Variants in TRPC4 observed in about 807,000 individuals in gnomAD.
TRPC4 encodes the protein transient receptor potential cation channel subfamily C member 4, also known as short transient receptor potential channel 4.
Under a neutral mutation model 99.4 loss-of-function variants are expected in TRPC4, and 49 were observed. The ratio of observed to expected loss-of-function variants is 0.49; its 90% CI spans 0.39 to 0.63. The LOEUF (loss-of-function observed/expected upper bound fraction) is 0.63. Ranked by LOEUF, TRPC4 falls within the 20% of genes least tolerant of loss-of-function variation. The pLI is 0.00. For synonymous variants in TRPC4, 454 were observed against 425.9 expected (o/e 1.07, Z -0.81); for missense variants, 898 against 1,152.9 (o/e 0.78, Z 3.20).
intron 1 of TRPC4, among the ~76,000 whole-genome samples, chr13:37,793,425 ATCCCT>A (rs1957170854): frequency 7.2e-6 from 1 of 139,446 alleles, no homozygotes; most frequent in African/African-American, 2.6e-5. Flanking sequence ...TCCTAATGCT[ATCCCT>A]CCCCCCTCCC....
intron 8 of TRPC4, among the ~76,000 whole-genome samples, chr13:37,639,747 A>ATATATATATG (rs1205328692): frequency 6.7e-6 from 1 of 149,264 alleles, no homozygotes; most frequent in African/African-American, 2.4e-5. Flanking sequence ...CTCCAATCAT[A>ATATATATATG]TATATATATA....
rs961940173 is a variant in TRPC4, at chr13:37,746,255, T to C, written c.579A>G (p.Ser193=). Residue 193 remains serine (S), a synonymous_variant, in exon 3 of 11, where the codon TCA becomes TCG. Transcript: ENST00000379705. The part of the protein sequence containing the change: ...SSSDVDSLRH[S]RSRLNIYKAL... ...CCTTGTAGATGTTGAGTCTGGAGCG[T>C]GAGTGACGGAGGCTGTCCACATCTG... 25 of 1,613,842 alleles carry C rather than the reference T, an allele frequency of 1.5e-5. No homozygotes were observed. The highest frequency in any genetic ancestry group is 1.9e-5 in the Non-Finnish European group (22 of 1,179,880).
At chr13:37,787,394 C>T (rs1345575100) in intron 1 of TRPC4, among the ~76,000 whole-genome samples, 3 of 152,016 alleles carry the variant, frequency 2.0e-5, no homozygotes, top group Non-Finnish European at 4.4e-5. Context: ...CATTCACACG[C>T]AATCCGATTA....
At chr13:37,749,183 T>C (rs1413967713) in intron 2 of TRPC4, among the ~76,000 whole-genome samples, 1 of 152,108 alleles carries the variant, frequency 6.6e-6, no homozygotes, top group Non-Finnish European at 1.5e-5. Flanking sequence ...CTGCCACGAT[T>C]ATAAGTTTCT....
At chr13:37,755,276 A>AG (rs1956067788) in intron 2 of TRPC4, among the ~76,000 whole-genome samples, 1 of 151,610 alleles carries the variant, frequency 6.6e-6, no homozygotes, top group East Asian at 1.9e-4. Context: ...TAAAAAAAAA[A>AG]AAAGAAGAAA....
chr13:37,681,247 C>T (rs1953225753), intron 4 of TRPC4, among the ~76,000 whole-genome samples: 1 of 152,140 alleles, frequency 6.6e-6, no homozygotes, highest in African/African-American at 2.4e-5. Context: ...ATTACAATTC[C>T]TCTGGAGATC....
chr13:37,815,147 C>T (rs1957813656), intron 1 of TRPC4, among the ~76,000 whole-genome samples: 1 of 151,576 alleles, frequency 6.6e-6, no homozygotes, highest in Non-Finnish European at 1.5e-5. Flanking sequence ...AAGTTGGACC[C>T]AAACTTCATA....
intron 1 of TRPC4, among the ~76,000 whole-genome samples, chr13:37,864,681 C>A (rs1471368772): frequency 2.6e-5 from 4 of 151,586 alleles, no homozygotes; most frequent in Non-Finnish European, 5.9e-5. Flanking sequence ...GGAGACAGAT[C>A]TTTGCCAGCC....
intron 2 of TRPC4, among the ~76,000 whole-genome samples, chr13:37,771,228 G>A (rs1566158764): frequency 1.3e-5 from 2 of 151,600 alleles, no homozygotes; most frequent in South Asian, 4.1e-4. Flanking sequence ...GATCACAGTA[G>A]GCAACCAAGG....
intron 3 of TRPC4, among the ~76,000 whole-genome samples, chr13:37,727,221 C>T (rs1955094282): frequency 6.6e-6 from 1 of 151,970 alleles, no homozygotes; most frequent in Admixed American, 6.6e-5. Context: ...ATATTGATAT[C>T]ATACAAAGTA....
chr13:37,746,135 C>A lies in TRPC4; in HGVS notation c.699G>T (p.Val233=), dbSNP rs1474524464. 10 of 1,613,796 alleles carry A rather than the reference C, an allele frequency of 6.2e-6. No homozygotes were observed. Among genetic ancestry groups the A allele is most frequent in the Non-Finnish European group, 8.5e-6 (10 of 1,179,864 alleles). Residue 233 remains valine (V), a synonymous_variant, in exon 3 of 11, where the codon GTG becomes GTT. Coordinates refer to ENST00000379705, the MANE Select transcript of TRPC4 (RefSeq NM_016179.4). ...LSWELQELSK[V]ENEFKSEYEE... ...CATACTCCGACTTGAATTCATTTTC[C>A]ACCTTGCTCAGTTCCTGAAGTTCCC...
chr13:37,860,035 T>C (rs1959221047), intron 1 of TRPC4, among the ~76,000 whole-genome samples: 1 of 151,092 alleles, frequency 6.6e-6, no homozygotes, highest in South Asian at 2.1e-4. Flanking sequence ...ATCAAACATA[T>C]GGATAAATAT....
intron 1 of TRPC4, among the ~76,000 whole-genome samples, chr13:37,856,469 C>T (rs757643056): frequency 1.3e-5 from 2 of 150,410 alleles, no homozygotes; most frequent in Non-Finnish European, 3.0e-5. Flanking sequence ...AACTGATACC[C>T]ATACTACTCA....
chr13:37,718,504 A>T (rs1056999369), intron 3 of TRPC4, among the ~76,000 whole-genome samples: 15 of 152,144 alleles, frequency 9.9e-5, no homozygotes, highest in Non-Finnish European at 2.1e-4. Context: ...AGTTATTATA[A>T]CTAAGCTCAA....
intron 3 of TRPC4, among the ~76,000 whole-genome samples, chr13:37,737,988 C>A (rs1167541710): frequency 6.6e-6 from 1 of 152,138 alleles, no homozygotes; most frequent in Non-Finnish European, 1.5e-5. Flanking sequence ...AATGTTAATG[C>A]ATGATCCCTT....
chr13:37,769,507 G>C (rs534608136), intron 2 of TRPC4, among the ~76,000 whole-genome samples: 1 of 151,596 alleles, frequency 6.6e-6, no homozygotes, highest in East Asian at 2.0e-4. Context: ...TCTATTCAGA[G>C]AAAGGCTACA....
intron 4 of TRPC4, among the ~76,000 whole-genome samples, chr13:37,689,944 A>G (rs942291140): frequency 1.3e-5 from 2 of 152,226 alleles, no homozygotes; most frequent in Non-Finnish European, 2.9e-5. Context: ...TTCTGCCTGG[A>G]AAGTATTTGA....
chr13:37,732,585 A>C (rs1955274871), intron 3 of TRPC4, among the ~76,000 whole-genome samples: 1 of 152,108 alleles, frequency 6.6e-6, no homozygotes, highest in East Asian at 1.9e-4. Context: ...TTCACAAAAA[A>C]CTCTTAGATT....
intron 3 of TRPC4, among the ~76,000 whole-genome samples, chr13:37,708,095 A>G (rs769966836): frequency 2.6e-5 from 4 of 152,144 alleles, no homozygotes; most frequent in Admixed American, 6.6e-5. Context: ...TCAAACAGAA[A>G]ATAGGCCTCC....
Sources: gnomAD v4.1 joint callset for allele counts (sites outside exome capture counted in the v4.1 genomes callset) on GRCh38, gnomAD v4.1.1 for gene constraint, MANE v1.5 for transcripts, NCBI Gene and HGNC (gene_info 2026-07-23, HGNC 2026-07-21) for gene names.